CCDC148: variants seen among roughly 807,000 people sequenced by gnomAD.
The protein encoded by CCDC148 is coiled-coil domain containing 148, also known as coiled-coil domain-containing protein 148.
CCDC148 carries 89 observed loss-of-function variants against 85.7 expected under a neutral mutation model. That is an observed-to-expected ratio of 1.04 (90% CI 0.87 to 1.24). The LOEUF is 1.24. CCDC148 is among the 50% of genes most tolerant of loss of function. The pLI is 0.00. For synonymous variants in CCDC148, 230 were observed against 213.9 expected (o/e 1.08, Z -0.66); for missense variants, 692 against 671.7 (o/e 1.03, Z -0.33).
At chr2:158,355,934 C>T (rs1683608398) in intron 2 of CCDC148, among the ~76,000 whole-genome samples, 1 of 133,704 alleles carries the variant, frequency 7.5e-6, no homozygotes, top group South Asian at 2.3e-4. Context: ...CGCATATCTA[C>T]AACTATCTGA....
chr2:158,448,977 G>A (rs999303654), intron 1 of CCDC148, among the ~76,000 whole-genome samples: 4 of 151,900 alleles, frequency 2.6e-5, no homozygotes, highest in East Asian at 1.9e-4. Context: ...GCAGGTGCCC[G>A]CCACCACATC....
chr2:158,181,824 C>T (rs11693028), intron 11 of CCDC148, among the ~76,000 whole-genome samples: 10,596 of 151,654 alleles, frequency 0.07, 497 homozygotes, highest in Non-Finnish European at 0.11. Context: ...GTTTTGAAAG[C>T]ATGAGAGGTT....
At chr2:158,325,013 C>T (rs892151664) in intron 7 of CCDC148, among the ~76,000 whole-genome samples, 8 of 151,786 alleles carry the variant, frequency 5.3e-5, no homozygotes, top group African/African-American at 1.5e-4. Flanking sequence ...ATTCCCCTCT[C>T]GCCTGCATCT....
rs1284172009 is a variant in CCDC148 at position 158,281,139 on chromosome 2, G to A, written c.1110+28294C>T. Among the ~76,000 whole-genome samples the A allele has an allele frequency of 2.0e-5, 3 of 152,076 alleles. No homozygotes were observed. The East Asian group carries it at 5.8e-4, about 29-fold the overall frequency. ...ACACATTCAAAGCAGTGTGTACAGG[G>A]AAATTTATAGCACTAAATGCCCACA... On this transcript the variant is annotated intron_variant, in intron 9 of 13. Coordinates refer to ENST00000283233, the MANE Select transcript of CCDC148 (RefSeq NM_138803.4).
rs113373121 is a variant in CCDC148, at chr2:158,319,121, T to C, written c.765-5227A>G. On this transcript the variant is annotated intron_variant, in intron 7 of 13. Transcript: ENST00000283233. ...TGCTCAACCACCCCATATGCTAAGT[T>C]TTTAATAATTACATTCATCATAAGA... Among the ~76,000 whole-genome samples, 539 of 152,236 alleles carry C rather than the reference T, an allele frequency of 3.5e-3. 2 individuals are homozygous for C. The highest frequency in any genetic ancestry group is 0.012 in the African/African-American group (518 of 41,536).
intron 2 of CCDC148, among the ~76,000 whole-genome samples, chr2:158,350,381 A>G (rs1172823645): frequency 4.6e-5 from 7 of 152,172 alleles, no homozygotes; most frequent in Admixed American, 4.6e-4. Context: ...TTAGAAATAT[A>G]AGTGTGTATA....
chr2:158,305,106 A>G (rs1418066429), intron 9 of CCDC148, among the ~76,000 whole-genome samples: 1 of 152,106 alleles, frequency 6.6e-6, no homozygotes, highest in Non-Finnish European at 1.5e-5. Flanking sequence ...CAGATCTGCC[A>G]GAGAGGATCC....
chr2:158,424,218 T>C (rs1170289552), intron 1 of CCDC148, among the ~76,000 whole-genome samples: 4 of 152,158 alleles, frequency 2.6e-5, no homozygotes, highest in Non-Finnish European at 4.4e-5. Context: ...CATTACTGAG[T>C]ATACACCCAA....
chr2:158,298,233 G>A (rs1691283988), intron 9 of CCDC148, among the ~76,000 whole-genome samples: 1 of 152,064 alleles, frequency 6.6e-6, no homozygotes, highest in Non-Finnish European at 1.5e-5. Context: ...GGGGATTATG[G>A]GAATTACAAT....
At chr2:158,202,180 A>G (rs1686001600) in intron 11 of CCDC148, among the ~76,000 whole-genome samples, 1 of 152,226 alleles carries the variant, frequency 6.6e-6, no homozygotes, top group Non-Finnish European at 1.5e-5. Flanking sequence ...ATTGTTCCAT[A>G]TGAATTTTTT....
intron 1 of CCDC148, among the ~76,000 whole-genome samples, chr2:158,406,886 G>T (rs114552442): frequency 6.6e-6 from 1 of 152,024 alleles, no homozygotes; most frequent in Admixed American, 6.6e-5. Flanking sequence ...GCCTCTCAAA[G>T]TGCAGGGATT....
At chr2:158,313,701 T>G (rs1391093228) in intron 8 of CCDC148, 55 bp downstream of exon 8, 24 of 1,524,330 alleles carry the variant, frequency 1.6e-5, no homozygotes, top group Non-Finnish European at 2.1e-5. Flanking sequence ...GCTTAATAAT[T>G]ATTGACTACT....
intron 9 of CCDC148, among the ~76,000 whole-genome samples, chr2:158,262,652 G>C (rs1689280972): frequency 6.6e-6 from 1 of 151,944 alleles, no homozygotes. Context: ...AGAAAGGCAT[G>C]TCTTACATAG....
chr2:158,363,549 A>G (rs1684063345), intron 1 of CCDC148, among the ~76,000 whole-genome samples: 1 of 152,226 alleles, frequency 6.6e-6, no homozygotes, highest in African/African-American at 2.4e-5. Flanking sequence ...CATAAACAGA[A>G]CCAAGGACAT....
chr2:158,375,895 G>A (rs1035976473), intron 1 of CCDC148, among the ~76,000 whole-genome samples: 10 of 152,130 alleles, frequency 6.6e-5, no homozygotes, highest in African/African-American at 1.9e-4. Context: ...GGGAGCCTGG[G>A]ATGTTGTTAT....
chr2:158,249,270 C>T (rs889217438), intron 10 of CCDC148, among the ~76,000 whole-genome samples: 50 of 152,238 alleles, frequency 3.3e-4, no homozygotes, highest in African/African-American at 1.2e-3. Flanking sequence ...TGTGGTCACG[C>T]TAATTCACAG....
intron 1 of CCDC148, among the ~76,000 whole-genome samples, chr2:158,401,456 A>G (rs1217270002): frequency 6.6e-6 from 1 of 152,164 alleles, no homozygotes; most frequent in Non-Finnish European, 1.5e-5. Flanking sequence ...GAAGACAGAA[A>G]ACCAAACACT....
At chr2:158,200,549 A>G (rs1429197166) in intron 11 of CCDC148, among the ~76,000 whole-genome samples, 2 of 152,252 alleles carry the variant, frequency 1.3e-5, no homozygotes, top group Non-Finnish European at 2.9e-5. Flanking sequence ...GCAGCCTAAC[A>G]TAATTATGTT....
At chr2:158,256,035 A>G (rs1305399024) in intron 9 of CCDC148, among the ~76,000 whole-genome samples, 1 of 151,780 alleles carries the variant, frequency 6.6e-6, no homozygotes. Flanking sequence ...AAGTGGTTCA[A>G]CTGAAATTAA....
Sources: allele counts gnomAD v4.1 joint callset (sites outside exome capture counted in the v4.1 genomes callset), GRCh38; gene constraint gnomAD v4.1.1; transcripts MANE v1.5; gene names NCBI Gene and HGNC (gene_info 2026-07-23, HGNC 2026-07-21).